TWIST2: variants seen among roughly 807,000 people sequenced by gnomAD.
TWIST2 encodes twist family bHLH transcription factor 2, also known as twist-related protein 2.
Under a neutral mutation model 11.6 loss-of-function variants are expected in TWIST2, and 1 was observed. That is an observed-to-expected ratio of 0.09 (90% CI 0.03 to 0.41). TWIST2 has a LOEUF of 0.41. TWIST2 is among the 10% of genes least tolerant of loss of function. The pLI, the probability that TWIST2 is intolerant of heterozygous loss-of-function variation, is 0.98. For synonymous variants in TWIST2, 87 were observed against 96.6 expected (o/e 0.90, Z 0.58); for missense variants, 168 against 226.4 (o/e 0.74, Z 1.66).
intron 1 of TWIST2, among the ~76,000 whole-genome samples, chr2:238,865,828 A>G (rs1218089349): frequency 6.6e-6 from 1 of 152,056 alleles, no homozygotes; most frequent in African/African-American, 2.4e-5. Flanking sequence ...GTAGGAAGCA[A>G]TCCCCACAGT....
chr2:238,885,808 A>G (rs1693023876), intron 1 of TWIST2, among the ~76,000 whole-genome samples: 1 of 152,184 alleles, frequency 6.6e-6, no homozygotes, highest in Non-Finnish European at 1.5e-5. Flanking sequence ...GTGGTGGCTC[A>G]CACCTGTAAT....
chr2:238,884,069 G>A (rs565800453), intron 1 of TWIST2, among the ~76,000 whole-genome samples: 28 of 152,238 alleles, frequency 1.8e-4, no homozygotes, highest in African/African-American at 6.7e-4. Context: ...TCCTCCCTTC[G>A]GAAATCTGTC....
chr2:238,895,552 G>A lies in TWIST2; in HGVS notation c.*36-14290G>A, dbSNP rs1000572742. ...CTTGCAGGGCCCAGGTACTGGGAGC[G>A]GTGGGATGCTCTCCTGCCATCTGGC... On this transcript the variant is annotated intron_variant, in intron 1 of 1. Coordinates refer to ENST00000612363, the MANE Select transcript of TWIST2 (RefSeq NM_001271893.4). Among the ~76,000 whole-genome samples the A allele has an allele frequency of 6.1e-3, 926 of 152,350 alleles. 13 individuals carry two copies. The highest frequency in any genetic ancestry group is 0.021 in the African/African-American group (888 of 41,584).
chr2:238,904,960 TGGAA>T lies in TWIST2; in HGVS notation c.*36-4872_*36-4869del, dbSNP rs1253634922. On this transcript the variant is annotated intron_variant, in intron 1 of 1. Transcript: ENST00000612363. ...ATGGATCAATGAAGAAATGGATGGA[TGGAA>T]GGAAGGAAGAGAGAAAGAAAAAAAG... is the stretch of plus-strand genomic sequence containing the variant. Among the ~76,000 whole-genome samples, 236 of 146,430 alleles carry T rather than the reference TGGAA, an allele frequency of 1.6e-3. 1 individual carries two copies. The highest frequency in any genetic ancestry group is 0.011 in the Middle Eastern group (3 of 282).
chr2:238,856,139 A>C (rs1408949206), intron 1 of TWIST2, among the ~76,000 whole-genome samples: 1 of 151,986 alleles, frequency 6.6e-6, no homozygotes, highest in African/African-American at 2.4e-5. Context: ...GTCAGGAGAG[A>C]GCTTATCTTG....
intron 1 of TWIST2, among the ~76,000 whole-genome samples, chr2:238,897,730 G>A (rs1442617102): frequency 6.6e-6 from 1 of 152,264 alleles, no homozygotes; most frequent in Non-Finnish European, 1.5e-5. Flanking sequence ...GCACTGGGGA[G>A]AAGGCTCTGG....
At chr2:238,871,837 C>T (rs193075596) in intron 1 of TWIST2, among the ~76,000 whole-genome samples, 16 of 152,262 alleles carry the variant, frequency 1.1e-4, no homozygotes, top group Admixed American at 9.1e-4. Flanking sequence ...CGGGGAACCT[C>T]GTGCAGCCGG....
At position 238,866,717 on chromosome 2, in the gene TWIST2, G is replaced by A. The variant is rs2106355561; in HGVS notation, c.*35+17984G>A. Among the ~76,000 whole-genome samples, 1 of 152,198 alleles carries A rather than the reference G, an allele frequency of 6.6e-6. No individual in the cohort carries two copies. Among genetic ancestry groups the A allele is most frequent in the South Asian group, 2.1e-4 (1 of 4,818 alleles). On this transcript the variant is annotated intron_variant, in intron 1 of 1. Transcript: ENST00000612363. This position sits in a 1 kb window ranked among gnomAD's most constrained non-coding sequence, Gnocchi z 4.9. The stretch of plus-strand genomic sequence containing the variant: ...CCATGCCTTCACGCTGCTCTCCCTT[G>A]ACTGGAATCTCCCTTGTGCCCGACA...
intron 1 of TWIST2, among the ~76,000 whole-genome samples, chr2:238,882,046 CTG>C (rs1692945623): frequency 1.3e-5 from 2 of 149,922 alleles, no homozygotes; most frequent in Admixed American, 1.3e-4. Context: ...CTGCCTGACT[CTG>C]TTTCTGTCTC....
Position 238,865,069 on chromosome 2 carries a change from C to T in TWIST2, c.*35+16336C>T, listed in dbSNP as rs543881539. Among the ~76,000 whole-genome samples, 13 of 152,296 alleles carry T rather than the reference C, an allele frequency of 8.5e-5. No individual in the cohort carries two copies. The South Asian group carries it at 2.7e-3, about 32-fold the overall frequency. On this transcript the variant is annotated intron_variant, in intron 1 of 1. Transcript: ENST00000612363. ...GGTCACTCCACTCGTTGAAAGTCCA[C>T]CCAGCAAGCATGCAAGCACTGGGCA...
At chr2:238,905,240 C>T (rs1377324499) in intron 1 of TWIST2, among the ~76,000 whole-genome samples, 5 of 152,188 alleles carry the variant, frequency 3.3e-5, no homozygotes, top group Non-Finnish European at 7.3e-5. Flanking sequence ...GAAGACACAA[C>T]TGAGGCACTC....
At chr2:238,874,282 A>G (rs1692765374) in intron 1 of TWIST2, among the ~76,000 whole-genome samples, 1 of 152,216 alleles carries the variant, frequency 6.6e-6, no homozygotes, top group Admixed American at 6.5e-5. Context: ...TCCTTTACGG[A>G]ATCCAGGACA....
intron 1 of TWIST2, among the ~76,000 whole-genome samples, chr2:238,875,362 C>T (rs1458395442): frequency 6.6e-6 from 1 of 151,874 alleles, no homozygotes; most frequent in African/African-American, 2.4e-5. Context: ...AAGACTCCTC[C>T]AACAGCACCA....
At chr2:238,861,995 C>T (rs1463349994) in intron 1 of TWIST2, among the ~76,000 whole-genome samples, 2 of 152,204 alleles carry the variant, frequency 1.3e-5, no homozygotes, top group Non-Finnish European at 2.9e-5. Context: ...AGGGGGCCTA[C>T]TATAATTTCA....
chr2:238,877,638 CT>C (rs201257106), intron 1 of TWIST2, among the ~76,000 whole-genome samples: 2,406 of 152,184 alleles, frequency 0.016, 27 homozygotes, highest in Non-Finnish European at 0.027. Context: ...ATATGGAGGA[CT>C]TTTATGAAGA....
At chr2:238,870,926 C>T (rs1317599889) in intron 1 of TWIST2, among the ~76,000 whole-genome samples, 1 of 44,952 alleles carries the variant, frequency 2.2e-5, no homozygotes, top group Non-Finnish European at 4.5e-5. Flanking sequence ...ACACACACCA[C>T]ACCCCACACA....
intron 1 of TWIST2, among the ~76,000 whole-genome samples, chr2:238,865,461 G>C (rs1692514086): frequency 6.6e-6 from 1 of 152,236 alleles, no homozygotes; most frequent in Non-Finnish European, 1.5e-5. Flanking sequence ...GTGCTCCTGT[G>C]TTGGGAGCAA....
At chr2:238,903,534 G>GGT (rs1164868087) in intron 1 of TWIST2, among the ~76,000 whole-genome samples, 3 of 111,518 alleles carry the variant, frequency 2.7e-5, no homozygotes, top group Non-Finnish European at 5.7e-5. Context: ...TCTAATGTGA[G>GGT]GTGTGTGTGG....
At chr2:238,884,086 G>T (rs181038753) in intron 1 of TWIST2, among the ~76,000 whole-genome samples, 1 of 152,184 alleles carries the variant, frequency 6.6e-6, no homozygotes, top group Non-Finnish European at 1.5e-5. Flanking sequence ...TGTCCTCAAA[G>T]TTCAGCCCCT....
Sources: gnomAD v4.1 joint callset for allele counts (sites outside exome capture counted in the v4.1 genomes callset) on GRCh38, gnomAD v4.1.1 for gene constraint, Gnocchi (gnomAD v3.1) non-coding constraint, MANE v1.5 for transcripts, NCBI Gene and HGNC (gene_info 2026-07-23, HGNC 2026-07-21) for gene names.